COL19A1: variants seen among roughly 807,000 people sequenced by gnomAD.
COL19A1 encodes the protein collagen alpha-1(XIX) chain.
COL19A1 carries 159 observed loss-of-function variants against 190.2 expected under a neutral mutation model. That is an observed-to-expected ratio of 0.84 (90% confidence interval 0.73 to 0.95). The LOEUF is 0.95. Among genes scored for constraint, COL19A1 ranks in the 40% least tolerant of loss-of-function variants. COL19A1 has a pLI of 0.00. For synonymous variants in COL19A1, 509 were observed against 458.9 expected, an observed-to-expected ratio of 1.11 and a Z score of -1.39; for missense variants, 1,418 against 1,431.9, an observed-to-expected ratio of 0.99 and a Z score of 0.16.
At chr6:70,179,884 T>G (rs1766057176) in intron 42 of COL19A1, among the ~76,000 whole-genome samples, 1 of 152,034 alleles carries the variant, frequency 6.6e-6, no homozygotes, top group African/African-American at 2.4e-5. Context: ...CTTTATTTAT[T>G]TATTTATTTA....
intron 33 of COL19A1, 61 bp from the exon 34 acceptor site, chr6:70,156,609 T>C: frequency 6.4e-7 from 1 of 1,568,114 alleles, no homozygotes; most frequent in Non-Finnish European, 8.7e-7. Context: ...AGAGATTTTT[T>C]TCATTTCCAA....
At chr6:70,163,239 G>T (rs980377962) in intron 35 of COL19A1, 104 bp from the exon 36 acceptor site, 13 of 988,840 alleles carry the variant, frequency 1.3e-5, no homozygotes, top group Non-Finnish European at 1.9e-5. Context: ...ATTTAATTAG[G>T]ATCAAATGAC....
intron 11 of COL19A1, among the ~76,000 whole-genome samples, chr6:69,981,115 A>G (rs1469035776): frequency 6.6e-6 from 1 of 152,194 alleles, no homozygotes; most frequent in Admixed American, 6.5e-5. Flanking sequence ...CTGGGTTCCT[A>G]GAACAGTGCT....
intron 9 of COL19A1, among the ~76,000 whole-genome samples, chr6:69,958,225 C>T (rs1774549954): frequency 6.6e-6 from 1 of 152,142 alleles, no homozygotes; most frequent in Admixed American, 6.6e-5. Flanking sequence ...GAGATACTAT[C>T]ACAACCTTTT....
At chr6:70,149,104 TG>T (rs2150244100) in intron 27 of COL19A1, among the ~76,000 whole-genome samples, 1 of 152,258 alleles carries the variant, frequency 6.6e-6, no homozygotes, top group African/African-American at 2.4e-5. Flanking sequence ...TGAAGTCAAC[TG>T]CTAAGAAACC....
chr6:69,980,963 C>T lies in COL19A1; in HGVS notation c.1026+18093C>T, dbSNP rs78110362. Among the ~76,000 whole-genome samples, 834 of 152,236 alleles carry T rather than the reference C, an allele frequency of 5.5e-3. 19 individuals carry two copies. The East Asian group carries it at 0.068, about 12-fold the overall frequency. ...TATCTATTCAAAAATGAAAAAAATG[C>T]ATAATCTTTTTACCTAGAAATCACC... On this transcript the variant is annotated intron_variant, in intron 11 of 50. Transcript: ENST00000620364.
chr6:69,872,958 T>C (rs147456018), intron 1 of COL19A1, among the ~76,000 whole-genome samples: 1 of 152,294 alleles, frequency 6.6e-6, no homozygotes, highest in East Asian at 1.9e-4. Context: ...GAGTAAACAT[T>C]ATGATATAGC....
chr6:70,180,799 A>G (rs1766124743), intron 44 of COL19A1, among the ~76,000 whole-genome samples: 1 of 152,266 alleles, frequency 6.6e-6, no homozygotes, highest in African/African-American at 2.4e-5. Flanking sequence ...TGTTCTCAAC[A>G]GACTTAAAGA....
chr6:69,921,307 CAT>C (rs1434857954), intron 4 of COL19A1, among the ~76,000 whole-genome samples: 2 of 127,028 alleles, frequency 1.6e-5, no homozygotes, highest in Non-Finnish European at 3.1e-5. Flanking sequence ...TATCATATAT[CAT>C]ATATCATATA....
At chr6:70,002,495 T>C (rs1777323584) in intron 11 of COL19A1, among the ~76,000 whole-genome samples, 1 of 151,968 alleles carries the variant, frequency 6.6e-6, no homozygotes, top group Non-Finnish European at 1.5e-5. Context: ...TGGGCTTTTT[T>C]TTTGGTTGGC....
intron 9 of COL19A1, 43 bp downstream of exon 9, chr6:69,938,143 TA>T: frequency 6.4e-7 from 1 of 1,572,442 alleles, no homozygotes; most frequent in Non-Finnish European, 8.7e-7. Flanking sequence ...AGGGTTTTGT[TA>T]AAAAATGACT....
At chr6:69,884,060 C>T (rs1768743726) in intron 2 of COL19A1, among the ~76,000 whole-genome samples, 1 of 152,014 alleles carries the variant, frequency 6.6e-6, no homozygotes. Context: ...CCTGGCCGGG[C>T]TCGGTGGCTC....
chr6:69,932,433 T>G (rs1477142570), intron 6 of COL19A1, among the ~76,000 whole-genome samples: 2 of 151,804 alleles, frequency 1.3e-5, no homozygotes, highest in Admixed American at 6.6e-5. Flanking sequence ...ATTTTTTTTT[T>G]ATTTTGAAAT....
chr6:69,932,568 C>T (rs1469418576), intron 6 of COL19A1, among the ~76,000 whole-genome samples: 1 of 151,908 alleles, frequency 6.6e-6, no homozygotes, highest in Non-Finnish European at 1.5e-5. Flanking sequence ...ACCTGATTTC[C>T]TTTATCTATA....
intron 15 of COL19A1, among the ~76,000 whole-genome samples, chr6:70,081,104 G>A (rs146907174): frequency 9.6e-4 from 146 of 152,200 alleles, no homozygotes; most frequent in Middle Eastern, 3.4e-3. Context: ...ACCTGAGTGC[G>A]TCTAATATAC....
At chr6:70,121,761 TA>T in intron 16 of COL19A1, 118 bp from the exon 17 acceptor site, 1 of 647,394 alleles carries the variant, frequency 1.5e-6, no homozygotes, top group Non-Finnish European at 2.7e-6. Context: ...AATATTTGAC[TA>T]AATAGACAAG....
chr6:70,152,116 G>A (rs1222684750), intron 31 of COL19A1, among the ~76,000 whole-genome samples: 1 of 151,768 alleles, frequency 6.6e-6, no homozygotes, highest in Non-Finnish European at 1.5e-5. Flanking sequence ...GTATTTGCAT[G>A]TTTCTGCCTG....
chr6:69,924,588 A>T (rs903445135), intron 4 of COL19A1, among the ~76,000 whole-genome samples: 1 of 152,160 alleles, frequency 6.6e-6, no homozygotes, highest in African/African-American at 2.4e-5. Flanking sequence ...TTTATAGCAG[A>T]ATGATTTATA....
intron 14 of COL19A1, among the ~76,000 whole-genome samples, chr6:70,040,113 G>A (rs148968147): frequency 1.3e-5 from 2 of 152,046 alleles, no homozygotes; most frequent in East Asian, 3.9e-4. Flanking sequence ...GGATTCTTGT[G>A]CTTTTGGTAC....
Sources: gnomAD v4.1 joint callset for allele counts (sites outside exome capture counted in the v4.1 genomes callset) on GRCh38, gnomAD v4.1.1 for gene constraint, MANE v1.5 for transcripts, NCBI Gene and HGNC (gene_info 2026-07-23, HGNC 2026-07-21) for gene names.